ARHGAP10: variants seen among roughly 807,000 people sequenced by gnomAD.
ARHGAP10 encodes rho GTPase-activating protein 10.
In ARHGAP10, 87 loss-of-function variants were observed where a neutral mutation model predicts 108.6. That is an observed-to-expected ratio of 0.80 (90% CI 0.67 to 0.96). ARHGAP10 has a LOEUF of 0.96. Ranked by LOEUF, ARHGAP10 falls within the 40% of genes least tolerant of loss-of-function variation. The pLI, the probability that ARHGAP10 is intolerant of heterozygous loss-of-function variation, is 0.00. For synonymous variants in ARHGAP10, 347 were observed against 341.1 expected (o/e 1.02, Z -0.19); for missense variants, 939 against 954.5 (o/e 0.98, Z 0.21).
rs1387880317 is a variant in ARHGAP10, at chr4:147,899,339, GTGTGTC to G, written c.1035-7281_1035-7276del. On this transcript the variant is annotated intron_variant, in intron 10 of 22. Transcript: ENST00000336498. ...TGTGTGTGTGCATGCGTGTGTGTGT[GTGTGTC>G]TGTGTCTGTGTCTGTGTGTCTTTGT... Among the ~76,000 whole-genome samples the G allele has an allele frequency of 2.3e-3, 350 of 149,176 alleles. 2 individuals carry two copies. Among genetic ancestry groups the G allele is most frequent in the African/African-American group, 8.2e-3 (317 of 38,758 alleles).
rs752291419 is a variant in ARHGAP10, at chr4:147,966,830, C to G, written c.1707C>G (p.Asn569Lys). Residue 569 changes from asparagine (N) to lysine (K), a missense_variant, in exon 18 of 23, where the codon AAC becomes AAG. Asn to Lys is a moderately conservative substitution (Grantham distance 94). Coordinates refer to ENST00000336498, the MANE Select transcript of ARHGAP10 (RefSeq NM_024605.4). Reference protein sequence around the residue: ...QNIVVEILIENHEKIFRTPPD... With the variant: ...QNIVVEILIEKHEKIFRTPPD... ...TTGTTGTGGAAATCTTAATTGAAAA[C>G]CATGAAAAGGTAAAATTTTTTTTTT... 1.5e-5 allele frequency: 23 copies of G among 1,573,698 alleles called. No individual in the cohort carries two copies. The highest frequency in any genetic ancestry group is 1.9e-5 in the Non-Finnish European group (22 of 1,154,854).
intron 18 of ARHGAP10, among the ~76,000 whole-genome samples, chr4:147,990,562 C>A (rs1740229495): frequency 6.6e-6 from 1 of 151,964 alleles, no homozygotes. Flanking sequence ...GAGTGGTAGA[C>A]CAGATAAAGA....
chr4:147,815,841 A>G (rs1732220470), intron 1 of ARHGAP10, among the ~76,000 whole-genome samples: 1 of 152,186 alleles, frequency 6.6e-6, no homozygotes, highest in African/African-American at 2.4e-5. Flanking sequence ...ACGCTAGTCT[A>G]GGTGACAGAG....
intron 1 of ARHGAP10, chr4:147,745,179 T>C (rs1728856995): frequency 6.6e-6 from 1 of 151,692 alleles, no homozygotes; most frequent in African/African-American, 2.4e-5. Context: ...CACACTGTCA[T>C]TGGTAATAGT....
chr4:147,863,313 ACTC>A (rs1443952496), intron 5 of ARHGAP10: 1 of 152,128 alleles, frequency 6.6e-6, no homozygotes, highest in Non-Finnish European at 1.5e-5. Flanking sequence ...GAATTTAACT[ACTC>A]TAGGTGTCTC....
chr4:147,798,278 G>A (rs1410685276), intron 1 of ARHGAP10, among the ~76,000 whole-genome samples: 9 of 151,832 alleles, frequency 5.9e-5, no homozygotes, highest in East Asian at 5.8e-4. Flanking sequence ...AACCATCTTC[G>A]TTGTCTCTGG....
intron 12 of ARHGAP10, among the ~76,000 whole-genome samples, chr4:147,911,742 A>G (rs1280649063): frequency 1.3e-5 from 2 of 152,224 alleles, no homozygotes; most frequent in African/African-American, 4.8e-5. Context: ...ATAAGCATCT[A>G]TATTAGAAAA....
At chr4:147,793,318 ATAT>A (rs1249889497) in intron 1 of ARHGAP10, among the ~76,000 whole-genome samples, 27 of 52,808 alleles carry the variant, frequency 5.1e-4, no homozygotes, top group South Asian at 1.1e-3. Context: ...ATATATATAT[ATAT>A]TTTTTTTTTT....
At chr4:147,954,676 A>C (rs1181529714) in intron 15 of ARHGAP10, among the ~76,000 whole-genome samples, 1 of 152,004 alleles carries the variant, frequency 6.6e-6, no homozygotes, top group Non-Finnish European at 1.5e-5. Context: ...CTGATCTTTT[A>C]TAATTTTAAG....
intron 16 of ARHGAP10, among the ~76,000 whole-genome samples, chr4:147,962,309 A>G (rs1739029198): frequency 6.6e-6 from 1 of 152,220 alleles, no homozygotes; most frequent in African/African-American, 2.4e-5. Flanking sequence ...GTAGCGCTCA[A>G]ATAATAATAG....
At chr4:148,067,933 T>C (rs1729969818) in intron 22 of ARHGAP10, among the ~76,000 whole-genome samples, 1 of 152,192 alleles carries the variant, frequency 6.6e-6, no homozygotes, top group South Asian at 2.1e-4. Flanking sequence ...GTTTCTCTAG[T>C]AGACTCACTA....
chr4:147,780,917 A>C (rs1046873536), intron 1 of ARHGAP10, among the ~76,000 whole-genome samples: 7 of 152,134 alleles, frequency 4.6e-5, no homozygotes, highest in Non-Finnish European at 1.0e-4. Context: ...GTGTGGGTTA[A>C]GCCATTTGTC....
intron 1 of ARHGAP10, among the ~76,000 whole-genome samples, chr4:147,748,658 T>C (rs989199990): frequency 3.3e-5 from 5 of 152,208 alleles, no homozygotes; most frequent in Admixed American, 6.5e-5. Flanking sequence ...CATCAAGATA[T>C]GTACATTAAA....
chr4:147,907,634 A>G (rs1736551831), intron 11 of ARHGAP10, among the ~76,000 whole-genome samples: 1 of 152,210 alleles, frequency 6.6e-6, no homozygotes, highest in Non-Finnish European at 1.5e-5. Context: ...TGGTGAGTGT[A>G]TAGGAAAAGA....
intron 20 of ARHGAP10, 112 bp downstream of exon 20, chr4:148,047,163 C>A: frequency 7.7e-7 from 1 of 1,306,992 alleles, no homozygotes; most frequent in African/African-American, 1.5e-5. Flanking sequence ...GATCTAGGAG[C>A]CCTTGTTTTC....
chr4:147,985,500 TCTTA>T (rs1218389573), intron 18 of ARHGAP10, among the ~76,000 whole-genome samples: 4 of 152,142 alleles, frequency 2.6e-5, no homozygotes, highest in Admixed American at 1.3e-4. Context: ...GCGACTCTCC[TCTTA>T]CTTTTGGACC....
rs5862810 is a variant in ARHGAP10, at chr4:147,737,326, C to CTTT, written c.154+4886_154+4888dup. Among the ~76,000 whole-genome samples the CTTT allele has an allele frequency of 5.3e-3, 707 of 133,014 alleles. 9 individuals are homozygous for CTTT. The highest frequency in any genetic ancestry group is 0.018 in the African/African-American group (650 of 35,234). The allele number at this position is 133,014 out of a possible 152,430, so 87.3% of individuals were successfully genotyped here. A position where few individuals can be genotyped will look rare whatever the true frequency, so the allele number is the denominator to read the frequency against. ...CCACCATGCCCAGCTAATTTTTGTA[C>CTTT]TTTTTTTTTTTTTTTTTGTAAAGAC... On this transcript the variant is annotated intron_variant, in intron 1 of 22. Coordinates refer to ENST00000336498, the MANE Select transcript of ARHGAP10 (RefSeq NM_024605.4).
intron 22 of ARHGAP10, among the ~76,000 whole-genome samples, chr4:148,071,533 T>C (rs894720095): frequency 6.6e-6 from 1 of 152,184 alleles, no homozygotes; most frequent in African/African-American, 2.4e-5. Context: ...GGAGAATTGC[T>C]TGAATCCGGG....
At chr4:147,903,385 A>G (rs951476187) in intron 10 of ARHGAP10, among the ~76,000 whole-genome samples, 1 of 152,174 alleles carries the variant, frequency 6.6e-6, no homozygotes, top group Non-Finnish European at 1.5e-5. Flanking sequence ...ACTCCCACAC[A>G]TGCATAGCAT....
Sources: allele counts gnomAD v4.1 joint callset (sites outside exome capture counted in the v4.1 genomes callset), GRCh38; gene constraint gnomAD v4.1.1; transcripts MANE v1.5; gene names NCBI Gene and HGNC (gene_info 2026-07-23, HGNC 2026-07-21).